The following NR2C1 variants were observed in gnomAD, a reference collection of about 807,000 sequenced individuals.
The protein encoded by NR2C1 is TR2 nuclear hormone receptor.
A neutral mutation model predicts 74.8 loss-of-function variants in NR2C1; 33 were observed. That is an observed-to-expected ratio of 0.44 (90% CI 0.33 to 0.59). The LOEUF is 0.59. Among genes scored for constraint, NR2C1 ranks in the 20% least tolerant of loss-of-function variants. The probability of loss-of-function intolerance (pLI) is 0.02; values close to 1 mark genes in which losing one functional copy is unlikely to be tolerated. For missense variants in NR2C1, 568 were observed against 715.6 expected (o/e 0.79, Z 2.35); for synonymous variants, 225 against 240.6 (o/e 0.94, Z 0.60).
At position 95,062,756 on chromosome 12, in the gene NR2C1, A is replaced by C. The variant is rs1310187409; in HGVS notation, c.55-18T>G. 1 of 1,575,678 alleles carries C rather than the reference A, an allele frequency of 6.3e-7. No individual in the cohort carries two copies. The highest frequency in any genetic ancestry group is 1.1e-5 in the South Asian group (1 of 90,172). ...GTAACAATCTAACAAAATCATGAAAAATAATCAATGAAACTCAATAATTTT... is the reference window on the plus strand; with the variant it reads ...GTAACAATCTAACAAAATCATGAAACATAATCAATGAAACTCAATAATTTT... On this transcript the variant is annotated intron_variant, in intron 2 of 13. Coordinates refer to ENST00000333003, the MANE Select transcript of NR2C1 (RefSeq NM_003297.4).
intron 9 of NR2C1, among the ~76,000 whole-genome samples, chr12:95,044,607 G>A (rs963349632): frequency 6.6e-6 from 1 of 152,112 alleles, no homozygotes; most frequent in Non-Finnish European, 1.5e-5. Context: ...CTGGATGGCC[G>A]GGTGTGATGG....
In NR2C1 at chr12:95,056,695, A is replaced by AGG. The variant is rs757384098; in HGVS notation, c.783+857_783+858insCC. 7.9e-5 allele frequency among the ~76,000 whole-genome samples: 12 copies of AGG among 152,362 alleles called. No homozygotes were observed. The East Asian group carries it at 2.3e-3, about 29-fold the overall frequency. On this transcript the variant is annotated intron_variant, in intron 7 of 13. Coordinates refer to ENST00000333003, the MANE Select transcript of NR2C1 (RefSeq NM_003297.4). ...ATTGTACGGCTGGGCGTGCTGGCTC[A>AGG]CGCCTGTAATCCCAGCACTTTGGGA...
chr12:95,058,182 CTTA>C, intron 5 of NR2C1, 125 bp downstream of exon 5: 2 of 833,146 alleles, frequency 2.4e-6, no homozygotes, highest in Non-Finnish European at 3.6e-6. Context: ...GGTCTGTATT[CTTA>C]TATTTTTAGT....
chr12:95,044,215 C>T (rs1301587817), intron 9 of NR2C1, among the ~76,000 whole-genome samples: 1 of 151,738 alleles, frequency 6.6e-6, no homozygotes, highest in Non-Finnish European at 1.5e-5. Flanking sequence ...GTTGCTTCTA[C>T]AATTATCTTT....
intron 13 of NR2C1, among the ~76,000 whole-genome samples, chr12:95,023,222 A>T (rs938950663): frequency 1.3e-5 from 2 of 152,060 alleles, no homozygotes; most frequent in African/African-American, 4.8e-5. Context: ...AATACAAAAA[A>T]TAATTAGCCA....
At chr12:95,064,879 T>A (rs375198185) in intron 2 of NR2C1, among the ~76,000 whole-genome samples, 1 of 152,220 alleles carries the variant, frequency 6.6e-6, no homozygotes, top group Non-Finnish European at 1.5e-5. Flanking sequence ...TTCTTTTCTA[T>A]GCAAAATTTA....
chr12:95,060,124 T>C, intron 3 of NR2C1, 140 bp from the exon 4 acceptor site: 3 of 690,986 alleles, frequency 4.3e-6, no homozygotes, highest in Non-Finnish European at 7.0e-6. Context: ...TTTTTAAACT[T>C]TGTACTCTAT....
chr12:95,023,155 A>C (rs1868963477), intron 13 of NR2C1, among the ~76,000 whole-genome samples: 1 of 151,772 alleles, frequency 6.6e-6, no homozygotes, highest in South Asian at 2.1e-4. Flanking sequence ...AAAATAAAAT[A>C]AAATCAGCCG....
chr12:95,053,200 C>T (rs1873287272), intron 7 of NR2C1, among the ~76,000 whole-genome samples: 3 of 152,090 alleles, frequency 2.0e-5, no homozygotes, highest in Admixed American at 2.0e-4. Flanking sequence ...TCTCAAACTC[C>T]TGGGCTCAAG....
rs894041014 is a variant in NR2C1 at position 95,073,532 on chromosome 12, G to A, written c.-160C>T. The A allele has an allele frequency of 6.6e-6, 1 of 152,294 alleles. No individual in the cohort carries two copies. Among genetic ancestry groups the A allele is most frequent in the Admixed American group, 6.5e-5 (1 of 15,292 alleles). 9.4% of individuals were successfully genotyped at this position (152,294 alleles called of 1,614,324 possible). A position where few individuals can be genotyped will look rare whatever the true frequency, so the allele number is the denominator to read the frequency against. On this transcript the variant is annotated 5_prime_UTR_variant, in exon 1 of 14. Coordinates refer to ENST00000333003, the MANE Select transcript of NR2C1 (RefSeq NM_003297.4). Reference sequence around the variant, plus strand: ...ATTCACGGCGGAGAGAGCTTTCTGTGTTTGGGTATTTCTGGGGGGTCAGAG... The same window carrying A: ...ATTCACGGCGGAGAGAGCTTTCTGTATTTGGGTATTTCTGGGGGGTCAGAG...
chr12:95,042,047 T>C (rs1336532863), intron 9 of NR2C1, among the ~76,000 whole-genome samples: 5 of 152,090 alleles, frequency 3.3e-5, no homozygotes, highest in African/African-American at 1.2e-4. Flanking sequence ...ATGTATTAAA[T>C]AGATGACCCA....
intron 3 of NR2C1, among the ~76,000 whole-genome samples, chr12:95,060,381 C>T (rs1194322740): frequency 6.6e-6 from 1 of 152,110 alleles, no homozygotes; most frequent in Non-Finnish European, 1.5e-5. Context: ...AGGCTGGGTG[C>T]GGTGGCTCAC....
chr12:95,044,978 A>ATCAT (rs1467175224), intron 9 of NR2C1, among the ~76,000 whole-genome samples: 3 of 152,184 alleles, frequency 2.0e-5, no homozygotes, highest in Non-Finnish European at 2.9e-5. Flanking sequence ...AGGTGGGAAG[A>ATCAT]TCATTGCTTG....
chr12:95,053,810 A>G (rs964862557), intron 7 of NR2C1, among the ~76,000 whole-genome samples: 1 of 150,018 alleles, frequency 6.7e-6, no homozygotes, highest in Non-Finnish European at 1.5e-5. Context: ...CAGCCTCCTG[A>G]GGAGCTGGGA....
intron 11 of NR2C1, among the ~76,000 whole-genome samples, chr12:95,029,717 T>A (rs1013029786): frequency 2.6e-5 from 4 of 151,660 alleles, no homozygotes; most frequent in African/African-American, 2.4e-5. Context: ...CCACCACGCC[T>A]GGCTAATTTT....
chr12:95,032,119 T>C (rs56317922), intron 10 of NR2C1, among the ~76,000 whole-genome samples: 2,176 of 152,330 alleles, frequency 0.014, 26 homozygotes, highest in Non-Finnish European at 0.021. Context: ...CCGCCTGCCT[T>C]GGCCTCCCAA....
intron 11 of NR2C1, among the ~76,000 whole-genome samples, chr12:95,030,070 A>G (rs530410584): frequency 9.2e-5 from 14 of 152,214 alleles, no homozygotes; most frequent in African/African-American, 3.4e-4. Context: ...GAGGTGGGGT[A>G]CCACAATGTT....
chr12:95,044,162 T>C (rs540594281), intron 9 of NR2C1, among the ~76,000 whole-genome samples: 43 of 152,328 alleles, frequency 2.8e-4, no homozygotes, highest in African/African-American at 6.7e-4. Flanking sequence ...TTAAAGAGCA[T>C]TGACAAGAAC....
At chr12:95,058,055 G>T in intron 5 of NR2C1, 177 bp from the exon 6 acceptor site, 3 of 712,374 alleles carry the variant, frequency 4.2e-6, no homozygotes, top group Non-Finnish European at 6.7e-6. Flanking sequence ...CTTTAGATTA[G>T]TAAAACAAAC....
Sources: gnomAD v4.1 joint callset for allele counts (sites outside exome capture counted in the v4.1 genomes callset) on GRCh38, gnomAD v4.1.1 for gene constraint, MANE v1.5 for transcripts, NCBI Gene and HGNC (gene_info 2026-07-23, HGNC 2026-07-21) for gene names.